Variants in ARB2A observed in about 807,000 individuals in gnomAD.
The protein encoded by ARB2A is ARB2 cotranscriptional regulator A.
the ARB2A span, among the ~76,000 whole-genome samples, chr5:93,962,806 C>T: frequency 0.013 from 1,991 of 152,140 alleles, 20 homozygotes; most frequent in Non-Finnish European, 0.017. Context: ...GGGCATGATG[C>T]TTAAGTTTCA....
At chr5:93,857,844 A>G in the ARB2A span, among the ~76,000 whole-genome samples, 4 of 152,236 alleles carry the variant, frequency 2.6e-5, no homozygotes, top group Non-Finnish European at 5.9e-5. Flanking sequence ...CCGGTACCTC[A>G]GATGGAAATG....
the ARB2A span, chr5:93,736,510 G>T: frequency 6.6e-6 from 1 of 151,994 alleles, no homozygotes; most frequent in Admixed American, 6.6e-5. Context: ...CATCACCCCG[G>T]GTGAGTCATT....
chr5:93,757,516 T>C, the ARB2A span, among the ~76,000 whole-genome samples: 3 of 152,208 alleles, frequency 2.0e-5, no homozygotes, highest in South Asian at 6.2e-4. Flanking sequence ...ACCTATCAGA[T>C]TAACAGCAGA....
At chr5:93,740,521 G>T in the ARB2A span, 2 of 1,511,774 alleles carry the variant, frequency 1.3e-6, no homozygotes, top group Non-Finnish European at 1.8e-6. Flanking sequence ...ACATTTCCTG[G>T]GTTTTCCCTT....
chr5:93,825,761 TG>T, the ARB2A span, among the ~76,000 whole-genome samples: 3 of 152,064 alleles, frequency 2.0e-5, no homozygotes, highest in Non-Finnish European at 4.4e-5. Flanking sequence ...AAAGTTATAC[TG>T]ATCTTTTGAT....
the ARB2A span, among the ~76,000 whole-genome samples, chr5:93,645,621 T>C: frequency 6.7e-6 from 1 of 148,932 alleles, no homozygotes; most frequent in Non-Finnish European, 1.5e-5. Context: ...AAATCTAATA[T>C]GAAAAAAATA....
the ARB2A span, among the ~76,000 whole-genome samples, chr5:93,721,989 T>C: frequency 5.3e-5 from 8 of 152,148 alleles, no homozygotes; most frequent in Non-Finnish European, 1.0e-4. Flanking sequence ...TACCTAGCAT[T>C]TCCTTCACCT....
chr5:94,012,425 G>T, the ARB2A span, among the ~76,000 whole-genome samples: 2 of 152,082 alleles, frequency 1.3e-5, no homozygotes, highest in African/African-American at 2.4e-5. Context: ...AAAACATTAA[G>T]ATGGAAGGAT....
the ARB2A span, among the ~76,000 whole-genome samples, chr5:94,047,957 C>T: frequency 6.6e-6 from 1 of 151,854 alleles, no homozygotes; most frequent in Non-Finnish European, 1.5e-5. Flanking sequence ...AACACAAAAA[C>T]CACAAGCTCT....
chr5:93,842,452 G>T, the ARB2A span, among the ~76,000 whole-genome samples: 1 of 152,280 alleles, frequency 6.6e-6, no homozygotes, highest in African/African-American at 2.4e-5. Context: ...TAGGATGGCA[G>T]ATTCAAGATC....
At chr5:93,825,530 G>T in the ARB2A span, among the ~76,000 whole-genome samples, 1 of 152,148 alleles carries the variant, frequency 6.6e-6, no homozygotes, top group East Asian at 1.9e-4. Flanking sequence ...AATTTTAGCA[G>T]AATTCATGTT....
the ARB2A span, among the ~76,000 whole-genome samples, chr5:93,689,516 C>T: frequency 7.2e-5 from 11 of 152,162 alleles, no homozygotes; most frequent in South Asian, 2.1e-4. Context: ...CAGATCTGAC[C>T]GCATAACTGA....
the ARB2A span, among the ~76,000 whole-genome samples, chr5:93,810,723 G>T: frequency 1.3e-5 from 2 of 151,952 alleles, no homozygotes; most frequent in African/African-American, 4.8e-5. Flanking sequence ...AATATTTAAT[G>T]ACCAAATGTA....
At chr5:93,737,134 T>C in the ARB2A span, 1 of 152,210 alleles carries the variant, frequency 6.6e-6, no homozygotes, top group Admixed American at 6.5e-5. Context: ...TCAGTTGTAT[T>C]TCTATCCATT....
the ARB2A span, among the ~76,000 whole-genome samples, chr5:93,659,488 G>A: frequency 6.6e-6 from 1 of 152,062 alleles, no homozygotes; most frequent in Non-Finnish European, 1.5e-5. Flanking sequence ...CTGAGTTTGG[G>A]AGATGTTTAG....
At chr5:93,813,601 C>G in the ARB2A span, among the ~76,000 whole-genome samples, 3 of 152,210 alleles carry the variant, frequency 2.0e-5, no homozygotes, top group Non-Finnish European at 4.4e-5. Context: ...TCAAATATCC[C>G]AGCAGGAAAA....
the ARB2A span, chr5:93,620,010 G>C: frequency 6.6e-6 from 1 of 152,150 alleles, no homozygotes; most frequent in Non-Finnish European, 1.5e-5. Context: ...CCTAACTCCA[G>C]GAAAGCTCAG....
chr5:93,874,103 C>T, the ARB2A span, among the ~76,000 whole-genome samples: 2 of 152,076 alleles, frequency 1.3e-5, no homozygotes, highest in Admixed American at 1.3e-4. Flanking sequence ...TTGTCTGATT[C>T]CTATGTAATA....
the ARB2A span, among the ~76,000 whole-genome samples, chr5:94,042,001 G>A: frequency 1.3e-5 from 2 of 152,268 alleles, no homozygotes; most frequent in East Asian, 1.9e-4. Context: ...AGAAGAAACA[G>A]TTCTACACGC....
Sources: gnomAD v4.1 joint callset for allele counts (sites outside exome capture counted in the v4.1 genomes callset) on GRCh38, gnomAD v4.1.1 for gene constraint, MANE v1.5 for transcripts, NCBI Gene and HGNC (gene_info 2026-07-23, HGNC 2026-07-21) for gene names.